Variants in UGT1A10 observed in about 807,000 individuals in gnomAD.
UGT1A10 encodes the protein UDP-glucuronosyltransferase 1A10.
A neutral mutation model predicts 45.8 loss-of-function variants in UGT1A10; 49 were observed. The ratio of observed to expected loss-of-function variants is 1.07; its 90% confidence interval spans 0.85 to 1.36. The LOEUF is 1.36. Among genes scored for constraint, UGT1A10 ranks in the 40% most tolerant of loss-of-function variants. UGT1A10 has a pLI of 0.00. For synonymous variants in UGT1A10, 284 were observed against 249.7 expected (o/e 1.14, Z -1.29); for missense variants, 745 against 668.6 (o/e 1.11, Z -1.26).
chr2:233,725,827 T>G (rs1405818881), intron 1 of UGT1A10, among the ~76,000 whole-genome samples: 1 of 152,182 alleles, frequency 6.6e-6, no homozygotes. Flanking sequence ...ATACCAGTAT[T>G]GCTACTCCTA....
At chr2:233,689,780 T>C in intron 1 of UGT1A10, 1 of 400,764 alleles carries the variant, frequency 2.5e-6, no homozygotes, top group South Asian at 1.9e-5. Context: ...GGGACATATG[T>C]TATGATGTGA....
At chr2:233,756,685 A>C (rs948825401) in intron 1 of UGT1A10, among the ~76,000 whole-genome samples, 1 of 152,128 alleles carries the variant, frequency 6.6e-6, no homozygotes, top group Non-Finnish European at 1.5e-5. Flanking sequence ...ACTGCTATAT[A>C]ATGACGATGA....
rs200910522 is a variant in UGT1A10 at position 233,637,324 on chromosome 2, A to G, written c.802A>G (p.Asn268Asp). Residue 268 changes from asparagine (N) to aspartate (D), a missense_variant, in exon 1 of 5, where the codon AAC becomes GAC. Asn to Asp is a conservative substitution (Grantham distance 23). Coordinates refer to ENST00000344644, the MANE Select transcript of UGT1A10 (RefSeq NM_019075.4). ...GGACTATCCCAAACCCGTGATGCCC[A>G]ACATGATCTTCATTGGTGGTATCAA... ...VLDYPKPVMP[N>D]MIFIGGINCH... 1.1e-5 allele frequency: 17 copies of G among 1,614,002 alleles called. No individual in the cohort carries two copies. The highest frequency in any genetic ancestry group is 2.2e-5 in the East Asian group (1 of 44,886).
intron 1 of UGT1A10, chr2:233,718,723 T>C (rs1350568030): frequency 1.2e-6 from 2 of 1,610,130 alleles, no homozygotes; most frequent in African/African-American, 2.7e-5. Context: ...CATGCTGATT[T>C]GCTAGGTGGC....
At chr2:233,757,560 A>ATATATATATATATATATATATATATATG (rs904896556) in intron 1 of UGT1A10, among the ~76,000 whole-genome samples, 8 of 123,138 alleles carry the variant, frequency 6.5e-5, no homozygotes, top group African/African-American at 2.4e-4. Flanking sequence ...ATATATATAT[A>ATATATATATATATATATATATATATATG]TGTATATATG....
At chr2:233,647,262 G>A (rs2073629927) in intron 1 of UGT1A10, among the ~76,000 whole-genome samples, 1 of 152,162 alleles carries the variant, frequency 6.6e-6, no homozygotes, top group Non-Finnish European at 1.5e-5. Context: ...TGGGGACACA[G>A]CCAAACCATA....
chr2:233,752,944 C>T (rs1559397408), intron 1 of UGT1A10, among the ~76,000 whole-genome samples: 2 of 152,230 alleles, frequency 1.3e-5, no homozygotes, highest in Non-Finnish European at 2.9e-5. Context: ...TTGCTGACCA[C>T]TGAACAATGG....
At position 233,734,763 on chromosome 2, in the gene UGT1A10, C is replaced by T. The variant is rs776391017; in HGVS notation, c.856-32271C>T. Among the ~76,000 whole-genome samples, 117 of 152,240 alleles carry T rather than the reference C, an allele frequency of 7.7e-4. 1 individual carries two copies. The highest frequency in any genetic ancestry group is 1.4e-3 in the Non-Finnish European group (94 of 68,010). On this transcript the variant is annotated intron_variant, in intron 1 of 4. Transcript: ENST00000344644. ...AACATCTTTATTTCTGCCTTCACTT[C>T]GTTATTTACCCAGTAGTCATTCAGG...
At chr2:233,703,893 C>A (rs7567229) in intron 1 of UGT1A10, among the ~76,000 whole-genome samples, 56,931 of 151,252 alleles carry the variant, frequency 0.38, 11,775 homozygotes, top group African/African-American at 0.55. Flanking sequence ...TCATTTTTTT[C>A]TTTTCTTTTT....
intron 1 of UGT1A10, among the ~76,000 whole-genome samples, chr2:233,717,147 A>G (rs2076552240): frequency 6.6e-6 from 1 of 152,232 alleles, no homozygotes. Flanking sequence ...ACATGGAAAT[A>G]GAACATGGGA....
rs772152340 is a variant in UGT1A10, at chr2:233,672,241, C to T, written c.855+34864C>T. 3.7e-6 allele frequency: 6 copies of T among 1,613,836 alleles called. No homozygotes were observed. In the African/African-American group the frequency reaches 4.0e-5, roughly 11 times the overall value. On this transcript the variant is annotated intron_variant, in intron 1 of 4. Coordinates refer to ENST00000344644, the MANE Select transcript of UGT1A10 (RefSeq NM_019075.4). ...CCATGCTCAATGGAAAGCACAAGTA[C>T]GAAGTATATATTCTCTATTAATGGG...
At chr2:233,656,421 G>A (rs538852437) in intron 1 of UGT1A10, among the ~76,000 whole-genome samples, 1 of 152,318 alleles carries the variant, frequency 6.6e-6, no homozygotes, top group Admixed American at 6.5e-5. Flanking sequence ...ACAAGGAATG[G>A]ACGTCAGTTA....
At chr2:233,713,103 G>A (rs1256796601) in intron 1 of UGT1A10, 42 of 1,614,068 alleles carry the variant, frequency 2.6e-5, no homozygotes, top group Non-Finnish European at 3.4e-5. Flanking sequence ...GCCCACTGAT[G>A]GCAGCCACTG....
intron 1 of UGT1A10, chr2:233,754,913 C>T (rs778952229): frequency 7.4e-7 from 1 of 1,353,756 alleles, no homozygotes; most frequent in African/African-American, 1.5e-5. Context: ...AAATATTCTC[C>T]AGCGGGTTTC....
At chr2:233,704,428 G>A (rs1028112789) in intron 1 of UGT1A10, among the ~76,000 whole-genome samples, 1 of 151,928 alleles carries the variant, frequency 6.6e-6, no homozygotes, top group African/African-American at 2.4e-5. Context: ...CTTAATTCCA[G>A]TTAAATATTG....
In UGT1A10 at chr2:233,769,851, C is replaced by A; in HGVS notation, c.1295+1412C>A. On this transcript the variant is annotated intron_variant, in intron 4 of 4. Coordinates refer to ENST00000344644, the MANE Select transcript of UGT1A10 (RefSeq NM_019075.4). The surrounding 1 kb of genome is among the most constrained non-coding windows in gnomAD (Gnocchi z 4.4). ...GCAACCTGGGCAACAGAGTGAGACC[C>A]TGTCTCAAAAAAAAAAAAAAAAATG... The A allele has an allele frequency of 2.1e-6, 1 of 479,202 alleles. No homozygotes were observed. Among genetic ancestry groups the A allele is most frequent in the Non-Finnish European group, 3.3e-6 (1 of 301,676 alleles). The allele number at this position is 479,202 out of a possible 1,614,324, so 29.7% of individuals were successfully genotyped here. A position where few individuals can be genotyped will look rare whatever the true frequency, so the allele number is the denominator to read the frequency against.
chr2:233,686,717 C>T (rs528849540), intron 1 of UGT1A10, among the ~76,000 whole-genome samples: 1 of 152,350 alleles, frequency 6.6e-6, no homozygotes, highest in Admixed American at 6.5e-5. Context: ...CTCCCACCGG[C>T]TATGAAGGTC....
In UGT1A10 at chr2:233,772,302, G is replaced by A. The variant is rs1458644938; in HGVS notation, c.1336G>A (p.Asp446Asn). Residue 446 changes from aspartate to asparagine, a missense_variant, in exon 5 of 5, where the codon GAC becomes AAC. Physicochemically the swap from Asp to Asn is conservative, Grantham distance 23. Coordinates refer to ENST00000344644, the MANE Select transcript of UGT1A10 (RefSeq NM_019075.4). ...CATGCGCCTCTCCAGCCTTCACAAG[G>A]ACCGCCCGGTGGAGCCGCTGGACCT... ...NIMRLSSLHK[D>N]RPVEPLDLAV... 1 of 1,614,232 alleles carries A rather than the reference G, an allele frequency of 6.2e-7. No individual in the cohort carries two copies.
chr2:233,741,611 T>G (rs1691716714), intron 1 of UGT1A10: 1 of 151,894 alleles, frequency 6.6e-6, no homozygotes. Context: ...CAGAGTTCAG[T>G]GTCAGACCCC....
Sources: allele counts gnomAD v4.1 joint callset (sites outside exome capture counted in the v4.1 genomes callset), GRCh38; gene constraint gnomAD v4.1.1; non-coding constraint Gnocchi (gnomAD v3.1); transcripts MANE v1.5; gene names NCBI Gene and HGNC (gene_info 2026-07-23, HGNC 2026-07-21).